Variants in TRIQK observed in about 807,000 individuals in gnomAD.
TRIQK encodes triple QxxK/R motif containing, also known as triple QxxK/R motif-containing protein.
TRIQK carries 10 observed loss-of-function variants against 10.8 expected under a neutral mutation model. That is an observed-to-expected ratio of 0.92 (90% CI 0.57 to 1.57). The LOEUF (loss-of-function observed/expected upper bound fraction) is 1.57. TRIQK is among the 40% of genes most tolerant of loss of function. The probability of loss-of-function intolerance (pLI) is 0.00; values close to 1 mark genes in which losing one functional copy is unlikely to be tolerated. For synonymous variants in TRIQK, 33 were observed against 33.7 expected (o/e 0.98, Z 0.07); for missense variants, 107 against 97.7 (o/e 1.09, Z -0.40).
At chr8:92,958,580 G>C (rs1812291652) in intron 1 of TRIQK, among the ~76,000 whole-genome samples, 1 of 151,934 alleles carries the variant, frequency 6.6e-6, no homozygotes, top group Non-Finnish European at 1.5e-5. Context: ...AGATGGAAAA[G>C]AGAAGATGTG....
intron 3 of TRIQK, among the ~76,000 whole-genome samples, chr8:92,898,548 A>C (rs950739847): frequency 5.9e-5 from 9 of 151,946 alleles, no homozygotes; most frequent in Non-Finnish European, 1.3e-4. Context: ...CTTTATATAA[A>C]AGCAGATTTT....
chr8:92,931,006 T>C (rs939826403), intron 2 of TRIQK, among the ~76,000 whole-genome samples: 2 of 152,156 alleles, frequency 1.3e-5, no homozygotes, highest in East Asian at 1.9e-4. Flanking sequence ...AATTCCTCTA[T>C]ATGAATGGCC....
chr8:92,993,568 G>C (rs1295419341), intron 1 of TRIQK, among the ~76,000 whole-genome samples: 3 of 152,178 alleles, frequency 2.0e-5, no homozygotes, highest in Admixed American at 2.0e-4. Flanking sequence ...CTCATTTTCA[G>C]TGCTTAGTGA....
At chr8:92,974,243 G>A (rs925634264) in intron 1 of TRIQK, 1 of 152,378 alleles carries the variant, frequency 6.6e-6, no homozygotes, top group Non-Finnish European at 1.5e-5. Context: ...CCTGGACTAT[G>A]GGCTCAGCTT....
At chr8:92,973,746 A>T (rs1005465712) in intron 1 of TRIQK, 2 of 152,220 alleles carry the variant, frequency 1.3e-5, no homozygotes, top group South Asian at 4.1e-4. Context: ...GCTCGGGAGG[A>T]TGCTACCAAA....
intron 3 of TRIQK, among the ~76,000 whole-genome samples, chr8:92,904,301 T>C (rs1809127265): frequency 6.6e-6 from 1 of 152,178 alleles, no homozygotes; most frequent in African/African-American, 2.4e-5. Context: ...TGTTAATGAG[T>C]GTGAAGTAGA....
intron 3 of TRIQK, among the ~76,000 whole-genome samples, chr8:92,904,295 A>C (rs1016119265): frequency 6.6e-6 from 1 of 152,108 alleles, no homozygotes; most frequent in Non-Finnish European, 1.5e-5. Flanking sequence ...CTATTTTGTT[A>C]ATGAGTGTGA....
At chr8:92,973,695 G>C (rs1434002383) in intron 1 of TRIQK, 1 of 152,162 alleles carries the variant, frequency 6.6e-6, no homozygotes, top group Non-Finnish European at 1.5e-5. Context: ...CATTAGTAAG[G>C]ATAACATTTT....
chr8:92,927,093 C>A (rs568326032), intron 2 of TRIQK, among the ~76,000 whole-genome samples: 1 of 151,914 alleles, frequency 6.6e-6, no homozygotes, highest in African/African-American at 2.4e-5. Flanking sequence ...GATTTATGGG[C>A]AACACCAAGA....
At chr8:93,004,357 G>C (rs1259310312) in intron 1 of TRIQK, among the ~76,000 whole-genome samples, 1 of 152,206 alleles carries the variant, frequency 6.6e-6, no homozygotes, top group East Asian at 1.9e-4. Flanking sequence ...TTTAGCCACA[G>C]CTGGATCTGG....
At chr8:92,915,128 C>T (rs117366188) in intron 3 of TRIQK, among the ~76,000 whole-genome samples, 190 of 152,222 alleles carry the variant, frequency 1.2e-3, no homozygotes, top group Non-Finnish European at 2.2e-3. Flanking sequence ...ACTGCATGAT[C>T]TCTCTTATCT....
rs180873777 is a variant in TRIQK at position 92,887,050 on chromosome 8, G to A, written c.148-315C>T. 16 of 171,678 alleles carry A rather than the reference G, an allele frequency of 9.3e-5. No homozygotes were observed. In the East Asian group the frequency reaches 2.7e-3, roughly 29 times the overall value. The allele number at this position is 171,678 out of a possible 1,614,324, so 10.6% of individuals were successfully genotyped here. ...TTATAGTTTGGATATCAGGATGTTC[G>A]ATACAAGCAATGCAGTTTGTATCTA... On this transcript the variant is annotated intron_variant, in intron 4 of 4. Transcript: ENST00000521988.
intron 1 of TRIQK, among the ~76,000 whole-genome samples, chr8:93,008,083 A>T (rs180725743): frequency 1.3e-5 from 2 of 152,328 alleles, no homozygotes; most frequent in Non-Finnish European, 1.5e-5. Context: ...GTGGGAGCTG[A>T]ACAATGAGAA....
chr8:92,941,456 A>C (rs1483481649), intron 2 of TRIQK, among the ~76,000 whole-genome samples: 1 of 152,178 alleles, frequency 6.6e-6, no homozygotes, highest in East Asian at 1.9e-4. Flanking sequence ...AGTTCTAAGA[A>C]ATAAGTTTAG....
At position 92,883,628 on chromosome 8, in the gene TRIQK, C is replaced by T. The variant is rs1440522871; in HGVS notation, c.*2994G>A. On this transcript the variant is annotated 3_prime_UTR_variant, in exon 5 of 5. Transcript: ENST00000521988. ...GACAGACTCTGAGAGGACTAAAAGG[C>T]ATCAACTTAAATTTTAACATGCATT... 6.6e-6 allele frequency: 1 copy of T among 151,686 alleles called. No individual in the cohort carries two copies. Among genetic ancestry groups the T allele is most frequent in the African/African-American group, 2.4e-5 (1 of 41,346 alleles). The allele number at this position is 151,686 out of a possible 1,614,324, so 9.4% of individuals were successfully genotyped here. A position where few individuals can be genotyped will look rare whatever the true frequency, so the allele number is the denominator to read the frequency against.
chr8:92,948,017 T>G lies in TRIQK; in HGVS notation c.-22+6389A>C, dbSNP rs147899935. ...TAGGGAGCCCTGACATAATTAATTC[T>G]CCTTTTCATATTCATTCTCTCCCTT... On this transcript the variant is annotated intron_variant, in intron 2 of 4. Coordinates refer to ENST00000521988, the MANE Select transcript of TRIQK (RefSeq NM_001171797.2). 2.8e-3 allele frequency among the ~76,000 whole-genome samples: 434 copies of G among 152,320 alleles called. 2 individuals are homozygous for G. Among genetic ancestry groups the G allele is most frequent in the African/African-American group, 1.0e-2 (415 of 41,576 alleles).
At chr8:92,933,436 A>T (rs545460744) in intron 2 of TRIQK, among the ~76,000 whole-genome samples, 3 of 152,214 alleles carry the variant, frequency 2.0e-5, no homozygotes, top group Admixed American at 2.0e-4. Context: ...TCAAATATTA[A>T]ATACCCCATA....
intron 3 of TRIQK, among the ~76,000 whole-genome samples, chr8:92,898,864 TATATATATAG>T (rs1462766638): frequency 2.1e-5 from 3 of 140,858 alleles, no homozygotes; most frequent in African/African-American, 5.2e-5. Context: ...TATATATATA[TATATATATAG>T]ATGGGGGTAC....
intron 1 of TRIQK, among the ~76,000 whole-genome samples, chr8:92,976,170 G>A (rs954941471): frequency 2.0e-5 from 3 of 151,896 alleles, no homozygotes; most frequent in Admixed American, 6.6e-5. Flanking sequence ...GTTATGTCTA[G>A]TTGGTTAATA....
Sources: gnomAD v4.1 joint callset for allele counts (sites outside exome capture counted in the v4.1 genomes callset) on GRCh38, gnomAD v4.1.1 for gene constraint, MANE v1.5 for transcripts, NCBI Gene and HGNC (gene_info 2026-07-23, HGNC 2026-07-21) for gene names.